NDUFA3: variants seen among roughly 807,000 people sequenced by gnomAD.
NDUFA3 encodes the protein NADH dehydrogenase [ubiquinone] 1 alpha subcomplex subunit 3.
NDUFA3 carries 10 observed loss-of-function variants against 11.4 expected under a neutral mutation model. The ratio of observed to expected loss-of-function variants is 0.87; its 90% CI spans 0.54 to 1.48. The LOEUF is 1.48. Among genes scored for constraint, NDUFA3 ranks in the 40% most tolerant of loss-of-function variants. The pLI, the probability that NDUFA3 is intolerant of heterozygous loss-of-function variation, is 0.00. For synonymous variants in NDUFA3, 39 were observed against 46.9 expected (o/e 0.83, Z 0.68); for missense variants, 115 against 110.5 (o/e 1.04, Z -0.18).
chr19:54,104,304 A>AT (rs1338015082), intron 2 of NDUFA3, among the ~76,000 whole-genome samples: 1 of 151,114 alleles, frequency 6.6e-6, no homozygotes, highest in Non-Finnish European at 1.5e-5. Context: ...CGCCCGGCTA[A>AT]TTTTTGTATT....
At chr19:54,103,068 C>T in intron 1 of NDUFA3, 46 bp from the exon 2 acceptor site, 2 of 1,596,458 alleles carry the variant, frequency 1.3e-6, no homozygotes, top group South Asian at 2.2e-5. Flanking sequence ...TAGAGGTCAC[C>T]GGGGGCAGCT....
At position 54,106,993 on chromosome 19, in the gene NDUFA3, G is replaced by A; in HGVS notation, c.*91G>A. ...AACGTGAGCATGTGTGTGATCAGAG[G>A]TGGGAACAAGTAGACGGTGGCCGGG... On this transcript the variant is annotated 3_prime_UTR_variant, in exon 4 of 4. Coordinates refer to ENST00000485876, the MANE Select transcript of NDUFA3 (RefSeq NM_004542.4). 1.9e-6 allele frequency: 3 copies of A among 1,605,944 alleles called. No homozygotes were observed. Among genetic ancestry groups the A allele is most frequent in the Admixed American group, 3.4e-5 (2 of 58,840 alleles).
At chr19:54,104,079 C>G (rs1392221724) in intron 2 of NDUFA3, among the ~76,000 whole-genome samples, 4 of 151,516 alleles carry the variant, frequency 2.6e-5, no homozygotes, top group Non-Finnish European at 5.9e-5. Context: ...GTGATCCTCC[C>G]AACTCGGTCT....
In NDUFA3 at chr19:54,105,952, T is replaced by C. The variant is rs1390856948; in HGVS notation, c.104T>C (p.Leu35Ser). ...TCCACAGCTGTAATTCTGCCCCCATTGAGCCCCTACTTCAAGTACTCCGTC... is the reference window on the plus strand; with the variant it reads ...TCCACAGCTGTAATTCTGCCCCCATCGAGCCCCTACTTCAAGTACTCCGTC... Reference protein sequence around the residue: ...VGGLAVILPPLSPYFKYSVMI... With the variant: ...VGGLAVILPPSSPYFKYSVMI... The change falls in exon 3 of 4, where the codon TTG (leucine) becomes TCG (serine). Residue 35 changes from leucine (L) to serine (S), a missense_variant. By Grantham distance (145) the Leu-to-Ser change is moderately radical. Transcript: ENST00000485876. 2 of 1,613,506 alleles carry C rather than the reference T, an allele frequency of 1.2e-6. No homozygotes were observed. Among genetic ancestry groups the C allele is most frequent in the Admixed American group, 1.7e-5 (1 of 59,974 alleles).
chr19:54,104,132 C>CAAACTGTAGGTTCTGATTCTGT (rs1568556718), intron 2 of NDUFA3, among the ~76,000 whole-genome samples: 1 of 132,460 alleles, frequency 7.5e-6, no homozygotes. Flanking sequence ...CGCGCCCGGC[C>CAAACTGTAGGTTCTGATTCTGT]AGCTTTTTTT....
rs763285209 is a variant in NDUFA3, at chr19:54,106,873, C to T, written c.226C>T (p.Pro76Ser). 5 of 1,613,724 alleles carry T rather than the reference C, an allele frequency of 3.1e-6. No homozygotes were observed. In the Admixed American group the frequency reaches 6.7e-5, roughly 22 times the overall value. Residue 76 changes from proline (P) to serine (S), a missense_variant, in exon 4 of 4, where the codon CCC becomes TCC. Physicochemically the swap from Pro to Ser is moderately conservative, Grantham distance 74 (BLOSUM62 -1). Coordinates refer to ENST00000485876, the MANE Select transcript of NDUFA3 (RefSeq NM_004542.4). Reference protein sequence around the residue: ...VPSHPQDPQGPSLEWLKKL With the variant: ...VPSHPQDPQGSSLEWLKKL ...CAGCCACCCCCAGGACCCTCAGGGC[C>T]CCAGCCTGGAGTGGCTGAAGAAACT...
At chr19:54,106,685 C>A (rs1323214263) in intron 3 of NDUFA3, 126 bp from the exon 4 acceptor site, 1 of 683,608 alleles carries the variant, frequency 1.5e-6, no homozygotes. Flanking sequence ...ATCACTGATT[C>A]TCTGACCCTT....
In NDUFA3 at chr19:54,107,019, G is replaced by A. The variant is rs114533265; in HGVS notation, c.*117G>A. 329 of 1,609,050 alleles carry A rather than the reference G, an allele frequency of 2.0e-4. No individual in the cohort carries two copies. The African/African-American group carries it at 3.9e-3, about 19-fold the overall frequency. ...TGGGAACAAGTAGACGGTGGCCGGG[G>A]TGAGTGTGGGGTCAGTTTATTGGGC... On this transcript the variant is annotated 3_prime_UTR_variant, in exon 4 of 4. Transcript: ENST00000485876.
intron 2 of NDUFA3, among the ~76,000 whole-genome samples, chr19:54,103,413 A>G (rs587676012): frequency 1.0e-3 from 157 of 152,110 alleles, no homozygotes; most frequent in African/African-American, 3.5e-3. Context: ...TCTAAATGAG[A>G]CGTTCTCAAC....
At chr19:54,106,752 T>C (rs1488407229) in intron 3 of NDUFA3, 59 bp from the exon 4 acceptor site, 1 of 1,407,524 alleles carries the variant, frequency 7.1e-7, no homozygotes. Context: ...ACAGACCAGC[T>C]CTTCTCTCCA....
At chr19:54,105,264 CTTTT>C (rs796770972) in intron 2 of NDUFA3, among the ~76,000 whole-genome samples, 1 of 71,258 alleles carries the variant, frequency 1.4e-5, no homozygotes, top group African/African-American at 6.0e-5. Flanking sequence ...GTTTGTAAGG[CTTTT>C]TTTTTTTTTT....
chr19:54,105,263 G>GC (rs1555786135), intron 2 of NDUFA3, among the ~76,000 whole-genome samples: 1,504 of 38,962 alleles, frequency 0.039, 132 homozygotes, highest in African/African-American at 0.15. Context: ...AGTTTGTAAG[G>GC]CTTTTTTTTT....
chr19:54,104,990 A>ATTG (rs2073211274), intron 2 of NDUFA3, among the ~76,000 whole-genome samples: 3 of 151,988 alleles, frequency 2.0e-5, no homozygotes, highest in South Asian at 2.1e-4. Context: ...CACCCGTCTC[A>ATTG]GCCTCCTAAA....
At chr19:54,106,708 C>T in intron 3 of NDUFA3, 103 bp from the exon 4 acceptor site, 1 of 965,706 alleles carries the variant, frequency 1.0e-6, no homozygotes, top group Non-Finnish European at 1.5e-6. Flanking sequence ...CCTCTCACCC[C>T]TGGGGTCCCC....
At position 54,106,883 on chromosome 19, in the gene NDUFA3, A is replaced by G. The variant is rs751943477; in HGVS notation, c.236A>G (p.Glu79Gly). ...CAGGACCCTCAGGGCCCCAGCCTGG[A>G]GTGGCTGAAGAAACTGTGAGCACCT... is the stretch of plus-strand genomic sequence containing the variant. ...HPQDPQGPSLEWLKKL is the reference protein window; with the variant it reads ...HPQDPQGPSLGWLKKL Residue 79 changes from glutamate to glycine, a missense_variant, in exon 4 of 4, where the codon GAG (glutamate) becomes GGG (glycine). Coordinates refer to ENST00000485876, the MANE Select transcript of NDUFA3 (RefSeq NM_004542.4). 5.0e-6 allele frequency: 8 copies of G among 1,613,156 alleles called. No homozygotes were observed. Among genetic ancestry groups the G allele is most frequent in the Non-Finnish European group, 6.8e-6 (8 of 1,179,790 alleles).
intron 2 of NDUFA3, among the ~76,000 whole-genome samples, chr19:54,104,957 C>G (rs977870540): frequency 6.6e-6 from 1 of 151,956 alleles, no homozygotes; most frequent in Non-Finnish European, 1.5e-5. Flanking sequence ...AGGCTGGTCT[C>G]GAACTCCTGA....
chr19:54,105,158 C>T (rs1393955384), intron 2 of NDUFA3, among the ~76,000 whole-genome samples: 2 of 151,670 alleles, frequency 1.3e-5, no homozygotes, highest in Admixed American at 6.6e-5. Context: ...TAGAACATTC[C>T]TTTTATGAAC....
At chr19:54,103,916 C>T (rs112279682) in intron 2 of NDUFA3, among the ~76,000 whole-genome samples, 14 of 152,046 alleles carry the variant, frequency 9.2e-5, no homozygotes, top group Admixed American at 2.6e-4. Context: ...TCAGTGCAAG[C>T]CCCGCCTTCC....
At chr19:54,105,264 C>CCTTTTTTTTATTTTTT (rs1316415018) in intron 2 of NDUFA3, among the ~76,000 whole-genome samples, 1 of 71,258 alleles carries the variant, frequency 1.4e-5, no homozygotes, top group Admixed American at 2.0e-4. Context: ...GTTTGTAAGG[C>CCTTTTTTTTATTTTTT]TTTTTTTTTT....
Sources: allele counts gnomAD v4.1 joint callset (sites outside exome capture counted in the v4.1 genomes callset), GRCh38; gene constraint gnomAD v4.1.1; transcripts MANE v1.5; gene names NCBI Gene and HGNC (gene_info 2026-07-23, HGNC 2026-07-21).